Variants in WWOX observed in about 807,000 individuals in gnomAD.
The protein encoded by WWOX is WW domain-containing oxidoreductase.
Under a neutral mutation model 46.2 loss-of-function variants are expected in WWOX, and 69 were observed. The observed-to-expected ratio is 1.49, with a 90% CI of 1.23 to 1.82. The LOEUF (loss-of-function observed/expected upper bound fraction) is 1.82. WWOX is among the 40% of genes most tolerant of loss of function. WWOX has a pLI of 0.00. For missense variants in WWOX, 919 were observed against 542.6 expected (o/e 1.69, Z -6.89); for synonymous variants, 359 against 202.6 (o/e 1.77, Z -6.56).
chr16:79,153,461 T>A (rs1194292942), intron 8 of WWOX, among the ~76,000 whole-genome samples: 5 of 152,116 alleles, frequency 3.3e-5, no homozygotes, highest in African/African-American at 9.7e-5. Flanking sequence ...AGTCATTTGG[T>A]TTACATCGGG....
At chr16:78,599,837 A>G (rs981166667) in intron 8 of WWOX, among the ~76,000 whole-genome samples, 4 of 152,094 alleles carry the variant, frequency 2.6e-5, no homozygotes, top group South Asian at 4.2e-4. Flanking sequence ...TGTGGTGTCC[A>G]TGTTGAGGAA....
chr16:79,041,713 CTG>C (rs1567508828), intron 8 of WWOX, among the ~76,000 whole-genome samples: 1 of 152,144 alleles, frequency 6.6e-6, no homozygotes, highest in East Asian at 1.9e-4. Context: ...CAGTTTGAAA[CTG>C]GCAAAACTGG....
intron 8 of WWOX, among the ~76,000 whole-genome samples, chr16:79,052,368 C>G (rs1001263140): frequency 1.4e-4 from 22 of 152,222 alleles, no homozygotes; most frequent in African/African-American, 1.9e-4. Flanking sequence ...AGGACATGAA[C>G]TCATCCTTTT....
intron 5 of WWOX, among the ~76,000 whole-genome samples, chr16:78,185,030 C>G (rs575216575): frequency 6.6e-6 from 1 of 152,254 alleles, no homozygotes; most frequent in Non-Finnish European, 1.5e-5. Context: ...GATGTTGTGA[C>G]AGAGGAAGAG....
chr16:79,119,544 G>C (rs1253579373), intron 8 of WWOX, among the ~76,000 whole-genome samples: 1 of 152,190 alleles, frequency 6.6e-6, no homozygotes, highest in Non-Finnish European at 1.5e-5. Context: ...ATGTTTTGCA[G>C]TTTTTTCAAA....
intron 8 of WWOX, among the ~76,000 whole-genome samples, chr16:78,725,338 TCTTTTC>T (rs2048800674): frequency 1.7e-5 from 2 of 115,636 alleles, no homozygotes; most frequent in African/African-American, 3.8e-5. Context: ...TCTTTTCTTT[TCTTTTC>T]TTTTTTTTTT....
At chr16:78,259,449 G>GTCTAT (rs1555510202) in intron 5 of WWOX, among the ~76,000 whole-genome samples, 1 of 151,740 alleles carries the variant, frequency 6.6e-6, no homozygotes, top group Admixed American at 6.6e-5. Context: ...GCCTCAGTCT[G>GTCTAT]CCGACTAGCT....
intron 8 of WWOX, among the ~76,000 whole-genome samples, chr16:79,029,256 G>C (rs943603520): frequency 6.6e-6 from 1 of 152,122 alleles, no homozygotes; most frequent in Non-Finnish European, 1.5e-5. Flanking sequence ...CCACGTCTTT[G>C]AGTTTTCACG....
At chr16:78,764,398 A>T (rs956044235) in intron 8 of WWOX, among the ~76,000 whole-genome samples, 16 of 150,998 alleles carry the variant, frequency 1.1e-4, no homozygotes, top group African/African-American at 3.4e-4. Context: ...ACTTGGAGGC[A>T]TTCTGTCCTC....
Position 78,488,226 on chromosome 16 carries a change from G to A in WWOX, c.1056+55474G>A, listed in dbSNP as rs2738703. Among the ~76,000 whole-genome samples, 22 of 152,142 alleles carry A rather than the reference G, an allele frequency of 1.4e-4. No homozygotes were observed. In the Middle Eastern group the frequency reaches 0.02, roughly 141 times the overall value. ...TAGAGGAAGCTCTTTATCCTGGTAC[G>A]CTGGAAGTTGGCATAGTCTTAGCAG... On this transcript the variant is annotated intron_variant, in intron 8 of 8. Coordinates refer to ENST00000566780, the MANE Select transcript of WWOX (RefSeq NM_016373.4).
At chr16:78,338,608 C>T (rs565164272) in intron 5 of WWOX, among the ~76,000 whole-genome samples, 3 of 120,542 alleles carry the variant, frequency 2.5e-5, no homozygotes, top group South Asian at 5.0e-4. Context: ...AATTTTCTGA[C>T]GGAGTTAGAG....
intron 8 of WWOX, among the ~76,000 whole-genome samples, chr16:78,689,139 AAC>A (rs912932643): frequency 1.3e-5 from 2 of 152,160 alleles, no homozygotes; most frequent in African/African-American, 4.8e-5. Flanking sequence ...AACATCTCCA[AAC>A]ACACAGGACT....
chr16:78,968,136 TGTGGCACAGCGCGTGGTC>T (rs2046399502), intron 8 of WWOX, among the ~76,000 whole-genome samples: 5 of 46,332 alleles, frequency 1.1e-4, no homozygotes, highest in East Asian at 6.8e-4. Flanking sequence ...GCGTGGTCCG[TGTGGCACAGCGCGTGGTC>T]CGCGTGGCAC....
intron 7 of WWOX, among the ~76,000 whole-genome samples, chr16:78,430,551 C>T (rs1325613844): frequency 6.6e-6 from 1 of 152,108 alleles, no homozygotes; most frequent in Non-Finnish European, 1.5e-5. Context: ...TCTGCCATCC[C>T]TGCTACCATC....
chr16:78,486,506 A>G (rs894468358), intron 8 of WWOX, among the ~76,000 whole-genome samples: 6 of 152,118 alleles, frequency 3.9e-5, no homozygotes, highest in African/African-American at 1.4e-4. Context: ...GTGCTCTCTT[A>G]AGCCAGTCGG....
At chr16:78,728,033 C>T (rs1226738101) in intron 8 of WWOX, among the ~76,000 whole-genome samples, 1 of 144,798 alleles carries the variant, frequency 6.9e-6, no homozygotes, top group South Asian at 2.2e-4. Flanking sequence ...AACTCCCTTC[C>T]TCTTTCCTCT....
intron 8 of WWOX, among the ~76,000 whole-genome samples, chr16:79,112,325 T>C (rs2049432917): frequency 6.6e-6 from 1 of 152,186 alleles, no homozygotes; most frequent in East Asian, 1.9e-4. Context: ...TCACCAAACC[T>C]TCATTCTGAA....
At chr16:79,151,150 C>T (rs1260420729) in intron 8 of WWOX, among the ~76,000 whole-genome samples, 2 of 152,200 alleles carry the variant, frequency 1.3e-5, no homozygotes, top group Non-Finnish European at 2.9e-5. Context: ...AATTCCCCTC[C>T]TGCTTTCCAT....
At chr16:78,198,381 G>GA (rs1283639156) in intron 5 of WWOX, among the ~76,000 whole-genome samples, 1 of 152,104 alleles carries the variant, frequency 6.6e-6, no homozygotes, top group African/African-American at 2.4e-5. Flanking sequence ...ATGTCAGTAG[G>GA]AAAAAAATCC....
Sources: gnomAD v4.1 joint callset for allele counts (sites outside exome capture counted in the v4.1 genomes callset) on GRCh38, gnomAD v4.1.1 for gene constraint, MANE v1.5 for transcripts, NCBI Gene and HGNC (gene_info 2026-07-23, HGNC 2026-07-21) for gene names.